VAV3: variants seen among roughly 807,000 people sequenced by gnomAD.
VAV3 encodes vav guanine nucleotide exchange factor 3.
A neutral mutation model predicts 131.2 loss-of-function variants in VAV3; 94 were observed. The observed-to-expected ratio is 0.72, with a 90% CI of 0.61 to 0.85. VAV3 has a LOEUF of 0.85. VAV3 is among the 40% of genes least tolerant of loss of function. The pLI is 0.00. For synonymous variants in VAV3, 349 were observed against 342.0 expected, an observed-to-expected ratio of 1.02 and a Z score of -0.22; for missense variants, 939 against 1,002.7, an observed-to-expected ratio of 0.94 and a Z score of 0.86.
At chr1:107,611,938 G>C (rs533861828) in intron 21 of VAV3, among the ~76,000 whole-genome samples, 1 of 151,962 alleles carries the variant, frequency 6.6e-6, no homozygotes, top group Admixed American at 6.6e-5. Context: ...TCCTTGTCTG[G>C]CAAGTACTTC....
intron 3 of VAV3, among the ~76,000 whole-genome samples, chr1:107,778,639 C>A (rs1395070838): frequency 6.6e-6 from 1 of 152,156 alleles, no homozygotes; most frequent in Non-Finnish European, 1.5e-5. Flanking sequence ...TGGATCCTCT[C>A]TCCCTTAGAA....
chr1:107,876,629 G>A (rs1445584907), intron 1 of VAV3, among the ~76,000 whole-genome samples: 3 of 152,004 alleles, frequency 2.0e-5, no homozygotes, highest in African/African-American at 7.2e-5. Context: ...GGAGATAGGA[G>A]GGAAGGCAGA....
At chr1:107,646,669 C>T (rs879347742) in intron 19 of VAV3, among the ~76,000 whole-genome samples, 3 of 151,994 alleles carry the variant, frequency 2.0e-5, no homozygotes, top group Admixed American at 2.0e-4. Context: ...CAATTTTGCT[C>T]ATTAACTTTT....
intron 17 of VAV3, among the ~76,000 whole-genome samples, chr1:107,697,213 T>C (rs1457504463): frequency 6.6e-6 from 1 of 152,114 alleles, no homozygotes; most frequent in Non-Finnish European, 1.5e-5. Context: ...TTCTTCCCCC[T>C]AAAGACATTG....
At chr1:107,638,911 TAGATACACACACATATAA>T (rs906061360) in intron 20 of VAV3, among the ~76,000 whole-genome samples, 2 of 151,816 alleles carry the variant, frequency 1.3e-5, no homozygotes, top group African/African-American at 2.4e-5. Context: ...CACACACATA[TAGATACACACACATATAA>T]AGATACACAC....
intron 15 of VAV3, among the ~76,000 whole-genome samples, chr1:107,719,751 C>G (rs144036439): frequency 6.6e-6 from 1 of 152,130 alleles, no homozygotes; most frequent in African/African-American, 2.4e-5. Context: ...TATAAAGACA[C>G]ATGAACACAT....
At chr1:107,804,862 T>TAC (rs1280302225) in intron 2 of VAV3, among the ~76,000 whole-genome samples, 1 of 110,086 alleles carries the variant, frequency 9.1e-6, no homozygotes, top group African/African-American at 3.8e-5. Flanking sequence ...GTGAATTCTC[T>TAC]AAACTTTTGT....
intron 1 of VAV3, among the ~76,000 whole-genome samples, chr1:107,922,809 G>T (rs543678816): frequency 6.6e-6 from 1 of 151,876 alleles, no homozygotes; most frequent in Non-Finnish European, 1.5e-5. Context: ...AAAATTAGCC[G>T]GGCGTGGTGG....
intron 17 of VAV3, among the ~76,000 whole-genome samples, chr1:107,689,392 G>A (rs1225561252): frequency 6.6e-6 from 1 of 152,152 alleles, no homozygotes; most frequent in Non-Finnish European, 1.5e-5. Context: ...CTCCCAGCCA[G>A]AGTTGAAGGG....
intron 15 of VAV3, among the ~76,000 whole-genome samples, chr1:107,722,898 C>T (rs1326416708): frequency 7.4e-6 from 1 of 134,326 alleles, no homozygotes; most frequent in African/African-American, 2.8e-5. Flanking sequence ...TCATAGTGAC[C>T]TTTCCCACTG....
chr1:107,944,729 C>T (rs1004304704), intron 1 of VAV3, among the ~76,000 whole-genome samples: 2 of 152,102 alleles, frequency 1.3e-5, no homozygotes, highest in Admixed American at 6.5e-5. Context: ...CTCAGCCTCT[C>T]GAGTAGCTGG....
Position 107,765,144 on chromosome 1 carries a change from C to A in VAV3, c.853G>T (p.Val285Leu), listed in dbSNP as rs1334997602. 6.2e-7 allele frequency: 1 copy of A among 1,613,510 alleles called. No homozygotes were observed. The highest frequency in any genetic ancestry group is 2.2e-5 in the East Asian group (1 of 44,804). The change falls in exon 9 of 27, where the codon GTG (valine) becomes TTG (leucine). Residue 285 changes from valine to leucine, a missense_variant. Transcript: ENST00000370056. ...LVIYGQYCSG[V>L]ESAISSLDYI... is the part of the protein sequence containing the mutation. Reference sequence around the variant, plus strand: ...TCTAAACTAGAGATGGCTGACTCCACTCCACTGCAGTACTGCCCGTAAATA... The same window carrying A: ...TCTAAACTAGAGATGGCTGACTCCAATCCACTGCAGTACTGCCCGTAAATA...
Position 107,828,209 on chromosome 1 carries a change from C to A in VAV3, c.321+46692G>T, listed in dbSNP as rs140173144. 1.6e-3 allele frequency among the ~76,000 whole-genome samples: 242 copies of A among 152,250 alleles called. 1 individual carries two copies. The highest frequency in any genetic ancestry group is 2.9e-3 in the Non-Finnish European group (199 of 68,012). On this transcript the variant is annotated intron_variant, in intron 2 of 26. Coordinates refer to ENST00000370056, the MANE Select transcript of VAV3 (RefSeq NM_006113.5). Reference sequence around the variant, plus strand: ...GCTCTCTCTGGGTGGCTCTCTTTACCTGTTCTTGCGTTAAATATCGAGGAA... The same window carrying A: ...GCTCTCTCTGGGTGGCTCTCTTTACATGTTCTTGCGTTAAATATCGAGGAA...
At chr1:107,764,874 G>C (rs1410791946) in intron 9 of VAV3, among the ~76,000 whole-genome samples, 1 of 152,040 alleles carries the variant, frequency 6.6e-6, no homozygotes, top group Non-Finnish European at 1.5e-5. Flanking sequence ...GTAAAACACA[G>C]GGCCATAAAT....
At position 107,779,426 on chromosome 1, in the gene VAV3, G is replaced by C. The variant is rs772416011; in HGVS notation, c.380+8C>G. Reference sequence around the variant, plus strand: ...ATGGGACACATGAACAACGAAAACAGAGCTTACCTGATTCCTGTGGCCAAT... The same window carrying C: ...ATGGGACACATGAACAACGAAAACACAGCTTACCTGATTCCTGTGGCCAAT... On this transcript the variant is annotated splice_region_variant and intron_variant, in intron 3 of 26. Coordinates refer to ENST00000370056, the MANE Select transcript of VAV3 (RefSeq NM_006113.5). The C allele has an allele frequency of 1.3e-6, 2 of 1,583,164 alleles. No homozygotes were observed. Among genetic ancestry groups the C allele is most frequent in the Admixed American group, 3.6e-5 (2 of 55,976 alleles).
At chr1:107,643,708 T>C (rs773327769) in intron 19 of VAV3, among the ~76,000 whole-genome samples, 7 of 152,144 alleles carry the variant, frequency 4.6e-5, no homozygotes, top group Admixed American at 1.3e-4. Flanking sequence ...TGACTGTCAT[T>C]CAGTTCTAGA....
chr1:107,698,729 G>T (rs1247828541), intron 17 of VAV3, among the ~76,000 whole-genome samples: 1 of 152,190 alleles, frequency 6.6e-6, no homozygotes, highest in Non-Finnish European at 1.5e-5. Flanking sequence ...ATAAAGAAAA[G>T]AGGTTTAATT....
At chr1:107,692,092 G>T (rs926732024) in intron 17 of VAV3, among the ~76,000 whole-genome samples, 8 of 152,040 alleles carry the variant, frequency 5.3e-5, no homozygotes, top group Admixed American at 4.6e-4. Flanking sequence ...CCACAGAAAA[G>T]TAATTACCAG....
At chr1:107,740,328 T>C (rs2102015242) in intron 15 of VAV3, among the ~76,000 whole-genome samples, 1 of 151,942 alleles carries the variant, frequency 6.6e-6, no homozygotes, top group African/African-American at 2.4e-5. Context: ...GGCTGACTAC[T>C]GAATAGAGAA....
Sources: allele counts gnomAD v4.1 joint callset (sites outside exome capture counted in the v4.1 genomes callset), GRCh38; gene constraint gnomAD v4.1.1; transcripts MANE v1.5; gene names NCBI Gene and HGNC (gene_info 2026-07-23, HGNC 2026-07-21).